FMN1: variants seen among roughly 807,000 people sequenced by gnomAD.
FMN1 encodes formin-1.
In FMN1, 110 loss-of-function variants were observed where a neutral mutation model predicts 132.4. That is an observed-to-expected ratio of 0.83 (90% CI 0.71 to 0.97). The LOEUF is 0.97. Ranked by LOEUF, FMN1 falls within the 50% of genes least tolerant of loss-of-function variation. FMN1 has a pLI of 0.00. For missense variants in FMN1, 1,792 were observed against 1,705.3 expected (o/e 1.05, Z -0.90); for synonymous variants, 722 against 651.7 (o/e 1.11, Z -1.64).
rs202079174 is a variant in FMN1 at position 33,013,395 on chromosome 15, ATG to A, written c.2162-5322_2162-5321del. Among the ~76,000 whole-genome samples the A allele has an allele frequency of 1.2e-4, 19 of 152,354 alleles. No homozygotes were observed. In the East Asian group the frequency reaches 2.1e-3, roughly 17 times the overall value. The stretch of plus-strand genomic sequence containing the variant: ...ATAGTCTGATCATGAAGCTGAATAA[ATG>A]TGTCTTTTATTTTTAAAAAAAGAAA... On this transcript the variant is annotated intron_variant, in intron 6 of 20. Coordinates refer to ENST00000616417, the MANE Select transcript of FMN1 (RefSeq NM_001277313.2).
intron 4 of FMN1, among the ~76,000 whole-genome samples, chr15:33,122,127 A>G (rs1267688068): frequency 6.6e-6 from 1 of 152,262 alleles, no homozygotes; most frequent in Non-Finnish European, 1.5e-5. Flanking sequence ...AGTTAACTAC[A>G]CAGTGAAACA....
At position 33,154,708 on chromosome 15, in the gene FMN1, A is replaced by C; in HGVS notation, c.207T>G (p.His69Gln). Residue 69 changes from histidine to glutamine, a missense_variant, in exon 4 of 21, where the codon CAT becomes CAG. Around this residue, in one of 3 missense-constraint regions of FMN1, gnomAD observed 638 missense variants for 645.2 expected, o/e 0.99. Transcript: ENST00000616417. Reference sequence around the variant, plus strand: ...TCTGCTTGAAAAATATGTCGCCTGGATGTTCGTCCGGCTCCTGGCTGAGGC... The same window carrying C: ...TCTGCTTGAAAAATATGTCGCCTGGCTGTTCGTCCGGCTCCTGGCTGAGGC... ...IISLSQEPDE[H>Q]PGDIFFKQTP... The C allele has an allele frequency of 6.5e-7, 1 of 1,535,952 alleles. No homozygotes were observed. Among genetic ancestry groups the C allele is most frequent in the African/African-American group, 1.4e-5 (1 of 73,084 alleles).
At chr15:32,842,997 C>T (rs948672532) in intron 17 of FMN1, among the ~76,000 whole-genome samples, 4 of 152,008 alleles carry the variant, frequency 2.6e-5, no homozygotes, top group Non-Finnish European at 4.4e-5. Flanking sequence ...CATGGTGGCA[C>T]ATGCCTGTAA....
chr15:33,069,212 C>T (rs1455785873), intron 5 of FMN1, among the ~76,000 whole-genome samples: 2 of 152,202 alleles, frequency 1.3e-5, no homozygotes, highest in African/African-American at 4.8e-5. Context: ...TATTTATATG[C>T]TGGGAAACTG....
chr15:33,084,466 G>A (rs1007851482), intron 5 of FMN1, among the ~76,000 whole-genome samples: 1 of 152,204 alleles, frequency 6.6e-6, no homozygotes, highest in African/African-American at 2.4e-5. Flanking sequence ...TTGTGGGACC[G>A]AATCCTTAAC....
chr15:33,011,920 A>G lies in FMN1; in HGVS notation c.2162-3845T>C, dbSNP rs553366885. On this transcript the variant is annotated intron_variant, in intron 6 of 20. Transcript: ENST00000616417. Reference sequence around the variant, plus strand: ...AAGATGCAGAACAATGGAAACTTCCATACACTTCACTTACAGCAGGAGTGC... The same window carrying G: ...AAGATGCAGAACAATGGAAACTTCCGTACACTTCACTTACAGCAGGAGTGC... Among the ~76,000 whole-genome samples, 26 of 152,372 alleles carry G rather than the reference A, an allele frequency of 1.7e-4. No homozygotes were observed. The South Asian group carries it at 5.2e-3, about 30-fold the overall frequency.
intron 7 of FMN1, among the ~76,000 whole-genome samples, chr15:33,007,605 A>G (rs754433125): frequency 9.9e-5 from 15 of 152,140 alleles, no homozygotes; most frequent in Non-Finnish European, 2.1e-4. Flanking sequence ...TGTAATCTGC[A>G]TCACATCATA....
chr15:33,075,665 T>C (rs139183225), intron 5 of FMN1, among the ~76,000 whole-genome samples: 65 of 152,278 alleles, frequency 4.3e-4, no homozygotes, highest in African/African-American at 1.5e-3. Flanking sequence ...AACTCAGTTA[T>C]TTGAGAGAAA....
chr15:32,780,808 TAGC>T (rs1364402831), intron 19 of FMN1, among the ~76,000 whole-genome samples: 1 of 152,180 alleles, frequency 6.6e-6, no homozygotes, highest in African/African-American at 2.4e-5. Context: ...CAGGCGGTAA[TAGC>T]AGAATAAATG....
At chr15:32,891,465 A>G (rs1056533918) in intron 15 of FMN1, among the ~76,000 whole-genome samples, 3 of 152,184 alleles carry the variant, frequency 2.0e-5, no homozygotes, top group African/African-American at 4.8e-5. Context: ...GATGGTCTCA[A>G]TCGCCTGACC....
chr15:33,145,865 C>T (rs1227648619), intron 4 of FMN1, among the ~76,000 whole-genome samples: 2 of 152,068 alleles, frequency 1.3e-5, no homozygotes, highest in Non-Finnish European at 1.5e-5. Flanking sequence ...CTTCTGAGTT[C>T]TCCCTCTAAA....
At chr15:32,855,346 A>G (rs2059107644) in intron 17 of FMN1, among the ~76,000 whole-genome samples, 1 of 151,994 alleles carries the variant, frequency 6.6e-6, no homozygotes, top group Admixed American at 6.6e-5. Context: ...ACAGCTTCCT[A>G]TGGCCATACC....
intron 3 of FMN1, among the ~76,000 whole-genome samples, chr15:33,156,167 T>G (rs1243871060): frequency 6.6e-6 from 1 of 151,536 alleles, no homozygotes; most frequent in Non-Finnish European, 1.5e-5. Flanking sequence ...AGTGATAAAA[T>G]GACAGTTATG....
chr15:33,166,161 T>C (rs1281304867), intron 3 of FMN1, among the ~76,000 whole-genome samples: 1 of 152,188 alleles, frequency 6.6e-6, no homozygotes, highest in Non-Finnish European at 1.5e-5. Context: ...TTATTGTCAC[T>C]GTATACCCAA....
intron 19 of FMN1, among the ~76,000 whole-genome samples, chr15:32,794,009 A>G (rs566802458): frequency 1.3e-5 from 2 of 152,274 alleles, no homozygotes; most frequent in East Asian, 3.9e-4. Context: ...TCTTGGTCCT[A>G]AAGTGACCTG....
At chr15:33,098,400 C>T (rs1465002545) in intron 4 of FMN1, among the ~76,000 whole-genome samples, 1 of 152,164 alleles carries the variant, frequency 6.6e-6, no homozygotes, top group East Asian at 1.9e-4. Context: ...GCTCCCACCT[C>T]CCCCTCTCTA....
chr15:33,065,387 C>T (rs2037677863), intron 5 of FMN1, among the ~76,000 whole-genome samples: 2 of 152,116 alleles, frequency 1.3e-5, no homozygotes, highest in Admixed American at 1.3e-4. Flanking sequence ...CCTGAAGGTA[C>T]AGACATAAAT....
intron 4 of FMN1, among the ~76,000 whole-genome samples, chr15:33,127,076 C>A (rs1282932751): frequency 1.3e-5 from 2 of 152,140 alleles, no homozygotes; most frequent in South Asian, 4.1e-4. Flanking sequence ...GTTTTCCAGG[C>A]ACTGTATCAG....
At chr15:32,964,776 C>G (rs182433119) in intron 8 of FMN1, among the ~76,000 whole-genome samples, 1 of 152,274 alleles carries the variant, frequency 6.6e-6, no homozygotes, top group East Asian at 1.9e-4. Context: ...CTCAGTGCAG[C>G]GTCCTTAATA....
Sources: allele counts gnomAD v4.1 joint callset (sites outside exome capture counted in the v4.1 genomes callset), GRCh38; gene constraint gnomAD v4.1.1; regional missense constraint gnomAD v4.1.1; transcripts MANE v1.5; gene names NCBI Gene and HGNC (gene_info 2026-07-23, HGNC 2026-07-21).